Variants in GATA5 observed in about 807,000 individuals in gnomAD.
GATA5 encodes transcription factor GATA-5.
Under a neutral mutation model 35.0 loss-of-function variants are expected in GATA5, and 27 were observed. The observed-to-expected ratio is 0.77, with a 90% CI of 0.57 to 1.06. GATA5 has a LOEUF of 1.06. GATA5 is among the 50% of genes least tolerant of loss of function. The pLI, the probability that GATA5 is intolerant of heterozygous loss-of-function variation, is 0.00. For synonymous variants in GATA5, 306 were observed against 267.8 expected (o/e 1.14, Z -1.39); for missense variants, 612 against 580.0 (o/e 1.06, Z -0.57).
chr20:62,469,793 C>T (rs543147644), intron 3 of GATA5, among the ~76,000 whole-genome samples: 3 of 152,346 alleles, frequency 2.0e-5, no homozygotes, highest in South Asian at 2.1e-4. Flanking sequence ...TTCACCAGAT[C>T]GCTATTGTAC....
At chr20:62,471,320 G>A (rs1989713960) in intron 3 of GATA5, among the ~76,000 whole-genome samples, 3 of 152,060 alleles carry the variant, frequency 2.0e-5, no homozygotes, top group African/African-American at 7.2e-5. Context: ...GGAGGTCTGG[G>A]CTGCAGTCTC....
At position 62,464,852 on chromosome 20, in the gene GATA5, G is replaced by A. The variant is rs782198035; in HGVS notation, c.1178C>T (p.Ala393Val). ...CCTGGGGACCTAGGCCAAGGCCAGC[G>A]CACACCAGGCCTCTTGGCGCAGAGC... ...RGALRQEAWCALALA is the reference protein window; with the variant it reads ...RGALRQEAWCVLALA Residue 393 changes from alanine (A) to valine (V), a missense_variant, in exon 7 of 7, where the codon GCG becomes GTG. Physicochemically the swap from Ala to Val is moderately conservative, Grantham distance 64 (BLOSUM62 0). Coordinates refer to ENST00000252997, the MANE Select transcript of GATA5 (RefSeq NM_080473.5). 3.9e-5 allele frequency: 62 copies of A among 1,604,878 alleles called. No individual in the cohort carries two copies. The highest frequency in any genetic ancestry group is 5.5e-5 in the South Asian group (5 of 90,630).
rs782700910 is a variant in GATA5 at position 62,466,478 on chromosome 20, G to A, written c.773C>T (p.Ser258Leu). ...TTNTTLWRRN[S>L]EGEPVCNACG... ...GGCATTGCACACGGGCTCCCCCTCC[G>A]AGTTCCGCCGCCACAGCGTGGTGTT... is the stretch of plus-strand genomic sequence containing the variant. The change falls in exon 4 of 7, where the codon TCG becomes TTG. Residue 258 changes from serine to leucine, a missense_variant. Coordinates refer to ENST00000252997, the MANE Select transcript of GATA5 (RefSeq NM_080473.5). 24 of 1,578,928 alleles carry A rather than the reference G, an allele frequency of 1.5e-5. No individual in the cohort carries two copies. Among genetic ancestry groups the A allele is most frequent in the Non-Finnish European group, 1.8e-5 (21 of 1,162,892 alleles).
At chr20:62,466,703 T>A in intron 3 of GATA5, 152 bp from the exon 4 acceptor site, 1 of 867,376 alleles carries the variant, frequency 1.2e-6, no homozygotes, top group Non-Finnish European at 1.7e-6. Context: ...CAGCTCTGCC[T>A]GGACACGCTC....
Position 62,466,547 on chromosome 20 carries a change from G to A in GATA5, c.704C>T (p.Ser235Leu), listed in dbSNP as rs112698446. The stretch of plus-strand genomic sequence containing the variant: ...GCAGCAGAGGCCGGCGCGGCGGGAC[G>A]AGGACTGTGGGGGCGAGGGAGACTG... ...PLVRPQKRLS[S>L]SRRAGLCCTN... The change falls in exon 4 of 7, where the codon TCG (serine) becomes TTG (leucine). Residue 235 changes from serine (S) to leucine (L), a missense_variant. Transcript: ENST00000252997. The A allele has an allele frequency of 4.4e-5, 68 of 1,550,310 alleles. No homozygotes were observed. The highest frequency in any genetic ancestry group is 5.3e-5 in the Non-Finnish European group (61 of 1,148,026).
rs782503555 is a variant in GATA5 at position 62,475,044 on chromosome 20, C to T, written c.478G>A (p.Asp160Asn). Residue 160 changes from aspartate to asparagine, a missense_variant, in exon 2 of 7, where the codon GAT (aspartate) becomes AAT (asparagine). Coordinates refer to ENST00000252997, the MANE Select transcript of GATA5 (RefSeq NM_080473.5). Reference sequence around the variant, plus strand: ...GGGAGGCCGTGCAGGACGCTGCCATCGAAGGGCCCGGCAGTCCAGGACTGG... The same window carrying T: ...GGGAGGCCGTGCAGGACGCTGCCATTGAAGGGCCCGGCAGTCCAGGACTGG... The part of the protein sequence containing the change: ...VAQSWTAGPF[D>N]GSVLHGLPGR... 2 of 1,405,038 alleles carry T rather than the reference C, an allele frequency of 1.4e-6. No homozygotes were observed. Among genetic ancestry groups the T allele is most frequent in the Admixed American group, 3.1e-5 (1 of 32,532 alleles). The allele number at this position is 1,405,038 out of a possible 1,614,324, so 87.0% of individuals were successfully genotyped here.
chr20:62,474,899 G>A (rs566710755), intron 2 of GATA5, 100 bp downstream of exon 2: 2 of 1,076,774 alleles, frequency 1.9e-6, no homozygotes, highest in African/African-American at 1.6e-5. Context: ...AGGGAGGCTC[G>A]GACCGTGGGG....
chr20:62,463,768 T>C lies in GATA5; in HGVS notation c.*1068A>G, dbSNP rs1454285038. On this transcript the variant is annotated 3_prime_UTR_variant, in exon 7 of 7. Coordinates refer to ENST00000252997, the MANE Select transcript of GATA5 (RefSeq NM_080473.5). Reference sequence around the variant, plus strand: ...GCATTGCTGGAAAAATCAGGGCTTGTTGTTGAAGGGCAGCAGCCGGACGGA... The same window carrying C: ...GCATTGCTGGAAAAATCAGGGCTTGCTGTTGAAGGGCAGCAGCCGGACGGA... 3 of 124,918 alleles carry C rather than the reference T, an allele frequency of 2.4e-5. No homozygotes were observed. The highest frequency in any genetic ancestry group is 2.1e-4 in the East Asian group (1 of 4,710). The allele number at this position is 124,918 out of a possible 1,614,324, so 7.7% of individuals were successfully genotyped here.
rs1264711333 is a variant in GATA5 at position 62,475,334 on chromosome 20, C to T, written c.188G>A (p.Gly63Asp). The T allele has an allele frequency of 1.6e-6, 2 of 1,253,734 alleles. No homozygotes were observed. Among genetic ancestry groups the T allele is most frequent in the South Asian group, 3.3e-5 (1 of 30,410 alleles). The allele number at this position is 1,253,734 out of a possible 1,614,324, so 77.7% of individuals were successfully genotyped here. A position where few individuals can be genotyped will look rare whatever the true frequency, so the allele number is the denominator to read the frequency against. Reference protein sequence around the residue: ...PQPPELAARPGWAQTATADSS... With the variant: ...PQPPELAARPDWAQTATADSS... ...ATCCGCGGTGGCTGTCTGCGCCCAG[C>T]CGGGGCGCGCAGCGAGCTCGGGGGG... The change falls in exon 2 of 7, where the codon GGC becomes GAC. Residue 63 changes from glycine to aspartate, a missense_variant. Coordinates refer to ENST00000252997, the MANE Select transcript of GATA5 (RefSeq NM_080473.5).
chr20:62,473,059 C>A (rs1445193927), intron 3 of GATA5, among the ~76,000 whole-genome samples: 3 of 152,214 alleles, frequency 2.0e-5, no homozygotes, highest in Non-Finnish European at 4.4e-5. Context: ...TAGGGCTGAG[C>A]TCCTGGCTCC....
chr20:62,473,871 G>C (rs1179117031), intron 2 of GATA5, among the ~76,000 whole-genome samples: 1 of 152,206 alleles, frequency 6.6e-6, no homozygotes, highest in African/African-American at 2.4e-5. Context: ...CCGGCTCCGG[G>C]ACCGGGGGCC....
intron 3 of GATA5, among the ~76,000 whole-genome samples, chr20:62,467,516 C>T (rs1306086779): frequency 6.6e-6 from 1 of 152,244 alleles, no homozygotes; most frequent in Non-Finnish European, 1.5e-5. Context: ...AGACCTGGTT[C>T]TCCTGGGGGG....
At chr20:62,475,579 G>C (rs1285571298) in intron 1 of GATA5, 37 bp from the exon 2 acceptor site, 1 of 1,205,126 alleles carries the variant, frequency 8.3e-7, no homozygotes, top group Non-Finnish European at 1.0e-6. Flanking sequence ...GGTCACGGGA[G>C]CTCTGCGCCC....
chr20:62,466,469 T>C lies in GATA5; in HGVS notation c.782A>G (p.Glu261Gly), dbSNP rs781880140. The change falls in exon 4 of 7, where the codon GAG (glutamate) becomes GGG (glycine). Residue 261 changes from glutamate (E) to glycine (G), a missense_variant. By Grantham distance (98) the Glu-to-Gly change is moderately conservative. Transcript: ENST00000252997. Reference protein sequence around the residue: ...TTLWRRNSEGEPVCNACGLYM... With the variant: ...TTLWRRNSEGGPVCNACGLYM... Reference sequence around the variant, plus strand: ...GAGGCCGCAGGCATTGCACACGGGCTCCCCCTCCGAGTTCCGCCGCCACAG... The same window carrying C: ...GAGGCCGCAGGCATTGCACACGGGCCCCCCCTCCGAGTTCCGCCGCCACAG... The C allele has an allele frequency of 6.3e-7, 1 of 1,581,784 alleles. No homozygotes were observed. Among genetic ancestry groups the C allele is most frequent in the Non-Finnish European group, 8.6e-7 (1 of 1,164,620 alleles).
At chr20:62,471,771 C>T (rs1467179746) in intron 3 of GATA5, among the ~76,000 whole-genome samples, 2 of 151,784 alleles carry the variant, frequency 1.3e-5, no homozygotes, top group African/African-American at 4.8e-5. Context: ...CTCTGTTGCC[C>T]AGGCTGGAGT....
At chr20:62,465,570 A>G in intron 5 of GATA5, 106 bp from the exon 6 acceptor site, 2 of 1,423,248 alleles carry the variant, frequency 1.4e-6, no homozygotes. Flanking sequence ...AGGTTTGGAG[A>G]CTCCTCACGG....
rs1555895936 is a variant in GATA5, at chr20:62,465,323, C to G, written c.1038+17G>C. ...GGGCCCCAGCTCTGGGCACCCCACC[C>G]CAGCCCACCCCCTTACCTGGGGGGC... On this transcript the variant is annotated intron_variant, in intron 6 of 6. Transcript: ENST00000252997. 6.3e-7 allele frequency: 1 copy of G among 1,582,390 alleles called. No individual in the cohort carries two copies. Among genetic ancestry groups the G allele is most frequent in the South Asian group, 1.1e-5 (1 of 88,484 alleles).
At chr20:62,465,758 G>T (rs1426704999) in intron 5 of GATA5, 76 bp downstream of exon 5, 26 of 1,146,932 alleles carry the variant, frequency 2.3e-5, no homozygotes, top group Non-Finnish European at 2.8e-5. Context: ...AAACACACAG[G>T]TCTCTCATGA....
chr20:62,466,190 C>A (rs1001963000), intron 4 of GATA5, among the ~76,000 whole-genome samples: 6 of 152,226 alleles, frequency 3.9e-5, no homozygotes, highest in South Asian at 2.1e-4. Flanking sequence ...CTGGCCCAGG[C>A]CGAATGGCTG....
Sources: gnomAD v4.1 joint callset for allele counts (sites outside exome capture counted in the v4.1 genomes callset) on GRCh38, gnomAD v4.1.1 for gene constraint, MANE v1.5 for transcripts, NCBI Gene and HGNC (gene_info 2026-07-23, HGNC 2026-07-21) for gene names.